Variants in EME2 observed in about 807,000 individuals in gnomAD.
EME2 encodes structure-specific endonuclease subunit EME2.
Under a neutral mutation model 41.9 loss-of-function variants are expected in EME2, and 58 were observed. The observed-to-expected ratio is 1.38, with a 90% confidence interval of 1.12 to 1.72. The LOEUF (loss-of-function observed/expected upper bound fraction) is 1.72, where lower values mean the gene tolerates loss of function less well. Among genes scored for constraint, EME2 ranks in the 40% most tolerant of loss-of-function variants. The pLI is 0.00. For missense variants in EME2, 695 were observed against 541.9 expected, an observed-to-expected ratio of 1.28 and a Z score of -2.81; for synonymous variants, 334 against 239.3, an observed-to-expected ratio of 1.40 and a Z score of -3.65.
rs975567721 is a variant in EME2 at position 1,772,884 on chromosome 16, A to C, written c.-344A>C. 32 of 1,452,160 alleles carry C rather than the reference A, an allele frequency of 2.2e-5. No homozygotes were observed. The highest frequency in any genetic ancestry group is 2.8e-5 in the Non-Finnish European group (31 of 1,109,784). The allele number at this position is 1,452,160 out of a possible 1,614,324, so 90.0% of individuals were successfully genotyped here. A position where few individuals can be genotyped will look rare whatever the true frequency, so the allele number is the denominator to read the frequency against. The stretch of plus-strand genomic sequence containing the variant: ...CCACAGCCAGGACTTGCGCGTGACC[A>C]GGCGGCCCAGGCCGAAGAGCGGGAG... On this transcript the variant is annotated 5_prime_UTR_variant, in exon 1 of 8. Coordinates refer to ENST00000568449, the MANE Select transcript of EME2 (RefSeq NM_001257370.2).
rs374605568 is a variant in EME2, at chr16:1,775,387, C to T, written c.642C>T (p.Val214=). ...SPKVAGAEVA[V]SWPEVEEALV... is the part of the protein sequence containing the mutation. Reference sequence around the variant, plus strand: ...AGGTGGCCGGTGCCGAGGTGGCCGTCAGCTGGCCGGAGGTGGAAGAGGTGA... The same window carrying T: ...AGGTGGCCGGTGCCGAGGTGGCCGTTAGCTGGCCGGAGGTGGAAGAGGTGA... The change falls in exon 5 of 8, where the codon GTC becomes GTT. Residue 214 remains valine (V), a synonymous_variant. Transcript: ENST00000568449. 3 of 1,612,464 alleles carry T rather than the reference C, an allele frequency of 1.9e-6. No individual in the cohort carries two copies. The highest frequency in any genetic ancestry group is 3.3e-5 in the Admixed American group (2 of 59,972).
chr16:1,773,964 G>A (rs777251842), intron 2 of EME2, 123 bp downstream of exon 2: 242 of 1,297,744 alleles, frequency 1.9e-4, no homozygotes, highest in Non-Finnish European at 2.4e-4. Flanking sequence ...GATGGGTAAA[G>A]CAAGGATGGA....
chr16:1,777,966 C>G lies in EME2; in HGVS notation c.*1728C>G, dbSNP rs1458864244. The G allele has an allele frequency of 6.2e-7, 1 of 1,612,990 alleles. No individual in the cohort carries two copies. Among genetic ancestry groups the G allele is most frequent in the South Asian group, 1.1e-5 (1 of 91,088 alleles). Reference sequence around the variant, plus strand: ...CGCACCCGTGTAGGAGAGGCCCCAGCTGTCCTCATCCCTGCCCAGCAGGCT... The same window carrying G: ...CGCACCCGTGTAGGAGAGGCCCCAGGTGTCCTCATCCCTGCCCAGCAGGCT... On this transcript the variant is annotated 3_prime_UTR_variant, in exon 8 of 8. Coordinates refer to ENST00000568449, the MANE Select transcript of EME2 (RefSeq NM_001257370.2).
Position 1,775,632 on chromosome 16 carries a change from C to G in EME2, c.727C>G (p.Leu243Val). 3.1e-6 allele frequency: 5 copies of G among 1,612,942 alleles called. No homozygotes were observed. The highest frequency in any genetic ancestry group is 4.2e-6 in the Non-Finnish European group (5 of 1,180,040). The change falls in exon 6 of 8, where the codon CTG (leucine) becomes GTG (valine). Residue 243 changes from leucine to valine, a missense_variant. Physicochemically the swap from Leu to Val is conservative, Grantham distance 32 (BLOSUM62 1). Transcript: ENST00000568449. ...GCTACTGGTGGCCTCTTGGCAGGAG[C>G]TGAGTCGGCACGTGTGCGCCGTTAC... Reference protein sequence around the residue: ...DVLLVASWQELSRHVCAVTKA... With the variant: ...DVLLVASWQEVSRHVCAVTKA...
chr16:1,773,468 G>C lies in EME2; in HGVS notation c.241G>C (p.Asp81His). ...QVLKRLAVCV[D>H]TAILEDAGAD... ...CCTGAAGCGCCTCGCGGTGTGCGTGGACACAGGTGCGGCGGAGGGCACGGG... is the reference window on the plus strand; with the variant it reads ...CCTGAAGCGCCTCGCGGTGTGCGTGCACACAGGTGCGGCGGAGGGCACGGG... Residue 81 changes from aspartate (D) to histidine (H), a missense_variant, in exon 1 of 8, where the codon GAC becomes CAC. By Grantham distance (81) the Asp-to-His change is moderately conservative. Transcript: ENST00000568449. The C allele has an allele frequency of 6.3e-7, 1 of 1,579,566 alleles. No homozygotes were observed. The highest frequency in any genetic ancestry group is 8.5e-7 in the Non-Finnish European group (1 of 1,172,068).
In EME2 at chr16:1,775,906, A is replaced by G; in HGVS notation, c.889A>G (p.Ile297Val). The G allele has an allele frequency of 9.9e-6, 16 of 1,612,450 alleles. No individual in the cohort carries two copies. The highest frequency in any genetic ancestry group is 1.4e-5 in the Non-Finnish European group (16 of 1,179,822). Reference sequence around the variant, plus strand: ...GCTGCAGGCGGCCTGGCGGAGGCAGATCAGGCAGTTCAGTCGGGTCAGCCC... The same window carrying G: ...GCTGCAGGCGGCCTGGCGGAGGCAGGTCAGGCAGTTCAGTCGGGTCAGCCC... ...AGLQAAWRRQ[I>V]RQFSRVSPAV... Residue 297 changes from isoleucine to valine, a missense_variant, in exon 7 of 8, where the codon ATC becomes GTC. Physicochemically the swap from Ile to Val is conservative, Grantham distance 29 (BLOSUM62 3). Transcript: ENST00000568449.
In EME2 at chr16:1,778,027, C is replaced by T. The variant is rs1169556332; in HGVS notation, c.*1789C>T. ...TGGCGGTATTTGTCCAGGTCCACAT[C>T]CGACGTCCCGATGCCCACCATCTAG... On this transcript the variant is annotated 3_prime_UTR_variant, in exon 8 of 8. Transcript: ENST00000568449. The T allele has an allele frequency of 1.9e-6, 3 of 1,613,226 alleles. No individual in the cohort carries two copies. Among genetic ancestry groups the T allele is most frequent in the Admixed American group, 1.7e-5 (1 of 60,022 alleles).
In EME2 at chr16:1,775,658, CAA is replaced by C. The variant is rs761747130; in HGVS notation, c.754_755del (p.Lys252GlyfsTer57). The C allele has an allele frequency of 3.8e-5, 61 of 1,612,804 alleles. 1 individual carries two copies. Among genetic ancestry groups the C allele is most frequent in the Admixed American group, 1.7e-5 (1 of 60,008 alleles). ...ELSRHVCAVTKALAQYPLKQY... is the reference protein window; with the variant it reads ...ELSRHVCAVTXALAQYPLKQY... ...TGAGTCGGCACGTGTGCGCCGTTACCAAGGCTCTCGCCCAGTATCCCCTCAAG... is the reference window on the plus strand; with the variant it reads ...TGAGTCGGCACGTGTGCGCCGTTACCGGCTCTCGCCCAGTATCCCCTCAAG... On this transcript the variant is annotated frameshift_variant, in exon 6 of 8. Coordinates refer to ENST00000568449, the MANE Select transcript of EME2 (RefSeq NM_001257370.2). LOFTEE classifies it high-confidence loss of function.
In EME2 at chr16:1,773,420, C is replaced by G; in HGVS notation, c.193C>G (p.Arg65Gly). 2 of 1,565,894 alleles carry G rather than the reference C, an allele frequency of 1.3e-6. No individual in the cohort carries two copies. Among genetic ancestry groups the G allele is most frequent in the Non-Finnish European group, 1.7e-6 (2 of 1,165,636 alleles). ...GERRAAAEAL[R>G]LLRPEQVLKR... Reference sequence around the variant, plus strand: ...GCGCAGGGCGGCTGCCGAGGCGTTGCGGCTGCTGCGGCCGGAGCAGGTCCT... The same window carrying G: ...GCGCAGGGCGGCTGCCGAGGCGTTGGGGCTGCTGCGGCCGGAGCAGGTCCT... The change falls in exon 1 of 8, where the codon CGG becomes GGG. Residue 65 changes from arginine to glycine, a missense_variant. Physicochemically the swap from Arg to Gly is moderately radical, Grantham distance 125. Coordinates refer to ENST00000568449, the MANE Select transcript of EME2 (RefSeq NM_001257370.2).
Position 1,777,874 on chromosome 16 carries a change from T to C in EME2, c.*1636T>C. On this transcript the variant is annotated 3_prime_UTR_variant, in exon 8 of 8. Coordinates refer to ENST00000568449, the MANE Select transcript of EME2 (RefSeq NM_001257370.2). ...TGTCGCCCTTGTGGTGGAGGAGGCC[T>C]GGGGGCAGCCAGGGTCGCAGTGAGC... The C allele has an allele frequency of 6.2e-7, 1 of 1,612,256 alleles. No homozygotes were observed. Among genetic ancestry groups the C allele is most frequent in the Non-Finnish European group, 8.5e-7 (1 of 1,179,770 alleles).
At position 1,779,002 on chromosome 16, in the gene EME2, C is replaced by T. The variant is rs1266456426; in HGVS notation, c.*2764C>T. On this transcript the variant is annotated 3_prime_UTR_variant, in exon 8 of 8. Transcript: ENST00000568449. ...GCCACCACCCCCACACCAGGCCCAG[C>T]TGCAGCCACCCGGCCTCAGGGCAGT... 3.2e-5 allele frequency: 6 copies of T among 186,818 alleles called. No individual in the cohort carries two copies. Among genetic ancestry groups the T allele is most frequent in the Non-Finnish European group, 4.4e-5 (4 of 90,932 alleles). 11.6% of individuals were successfully genotyped at this position (186,818 alleles called of 1,614,324 possible). A position where few individuals can be genotyped will look rare whatever the true frequency, so the allele number is the denominator to read the frequency against.
At chr16:1,775,524 G>A in intron 5 of EME2, 45 bp from the exon 6 acceptor site, 1 of 1,604,918 alleles carries the variant, frequency 6.2e-7, no homozygotes, top group Admixed American at 1.7e-5. Flanking sequence ...TGTGTCCCGG[G>A]TAGCCTTCCT....
chr16:1,778,748 T>G lies in EME2; in HGVS notation c.*2510T>G. The stretch of plus-strand genomic sequence containing the variant: ...GTCCAGGCCTCCAGGGACTTCACAG[T>G]ACCCCGAGCGCACAGCCCAGGCTCC... On this transcript the variant is annotated 3_prime_UTR_variant, in exon 8 of 8. Coordinates refer to ENST00000568449, the MANE Select transcript of EME2 (RefSeq NM_001257370.2). 1.0e-6 allele frequency: 1 copy of G among 958,804 alleles called. No individual in the cohort carries two copies. Among genetic ancestry groups the G allele is most frequent in the Non-Finnish European group, 1.5e-6 (1 of 672,106 alleles). The allele number at this position is 958,804 out of a possible 1,614,324, so 59.4% of individuals were successfully genotyped here. A position where few individuals can be genotyped will look rare whatever the true frequency, so the allele number is the denominator to read the frequency against.
Position 1,775,334 on chromosome 16 carries a change from C to A in EME2, c.589C>A (p.Arg197=). ...AYLWSRQHVS[R]GTQQPESPKV... is the part of the protein sequence containing the mutation. ...GCTCAGGTCTCGCCAGCACGTTTCC[C>A]GGGGGACACAGCAGCCAGAGAGCCC... is the stretch of plus-strand genomic sequence containing the variant. The change falls in exon 5 of 8, where the codon CGG becomes AGG. Residue 197 remains arginine, a synonymous_variant. Transcript: ENST00000568449. The A allele has an allele frequency of 6.2e-7, 1 of 1,610,622 alleles. No homozygotes were observed.
At position 1,778,244 on chromosome 16, in the gene EME2, G is replaced by A; in HGVS notation, c.*2006G>A. On this transcript the variant is annotated 3_prime_UTR_variant, in exon 8 of 8. Coordinates refer to ENST00000568449, the MANE Select transcript of EME2 (RefSeq NM_001257370.2). ...GCTGTGCCGCAGCTGTACTCCATGT[G>A]GAAGCTGACCTTACGGTTGTCACAG... 1 of 1,612,964 alleles carries A rather than the reference G, an allele frequency of 6.2e-7. No individual in the cohort carries two copies. Among genetic ancestry groups the A allele is most frequent in the Non-Finnish European group, 8.5e-7 (1 of 1,180,002 alleles).
chr16:1,773,797 A>G lies in EME2; in HGVS notation c.340A>G (p.Ser114Gly). The change falls in exon 2 of 8, where the codon AGC (serine) becomes GGC (glycine). Residue 114 changes from serine to glycine, a missense_variant. By Grantham distance (56) the Ser-to-Gly change is moderately conservative. Transcript: ENST00000568449. Reference protein sequence around the residue: ...CRIEPQRPARSLRWTRASPDP... With the variant: ...CRIEPQRPARGLRWTRASPDP... Reference sequence around the variant, plus strand: ...CATCGAGCCCCAGCGCCCGGCCCGCAGCCTGCGGTGGACCCGAGCGAGTCC... The same window carrying G: ...CATCGAGCCCCAGCGCCCGGCCCGCGGCCTGCGGTGGACCCGAGCGAGTCC... 1 of 1,556,198 alleles carries G rather than the reference A, an allele frequency of 6.4e-7. No individual in the cohort carries two copies. The highest frequency in any genetic ancestry group is 2.4e-5 in the East Asian group (1 of 41,512).
At chr16:1,773,626 C>G (rs1026860895) in intron 1 of EME2, 79 bp from the exon 2 acceptor site, 1 of 1,542,496 alleles carries the variant, frequency 6.5e-7, no homozygotes, top group Non-Finnish European at 8.7e-7. Context: ...GGAGACTCCC[C>G]GGTCCGGCCA....
intron 1 of EME2, 84 bp from the exon 2 acceptor site, chr16:1,773,621 C>T: frequency 1.3e-6 from 2 of 1,541,146 alleles, no homozygotes; most frequent in Non-Finnish European, 1.7e-6. Flanking sequence ...CGAATGGAGA[C>T]TCCCCGGTCC....
chr16:1,781,149 C>T lies in EME2; in HGVS notation c.*4911C>T. The T allele has an allele frequency of 6.6e-7, 1 of 1,521,686 alleles. No homozygotes were observed. The highest frequency in any genetic ancestry group is 8.8e-7 in the Non-Finnish European group (1 of 1,137,460). 94.3% of individuals were successfully genotyped at this position (1,521,686 alleles called of 1,614,324 possible). On this transcript the variant is annotated 3_prime_UTR_variant, in exon 8 of 8. Transcript: ENST00000568449. ...TGCAGTGTGTTCTGAGGTCCTGTCA[C>T]CCCTGAGGCTGTGTGTGTCCTTTGC... is the stretch of plus-strand genomic sequence containing the variant.
Sources: allele counts gnomAD v4.1 joint callset, GRCh38; gene constraint gnomAD v4.1.1; transcripts MANE v1.5; gene names NCBI Gene and HGNC (gene_info 2026-07-23, HGNC 2026-07-21).